Variants in NTM observed in about 807,000 individuals in gnomAD.
The protein encoded by NTM is neurotrimin, also known as IgLON family member 2.
In NTM, 13 loss-of-function variants were observed where a neutral mutation model predicts 42.1. That is an observed-to-expected ratio of 0.31 (90% CI 0.20 to 0.49). The LOEUF (loss-of-function observed/expected upper bound fraction) is 0.49. Among genes scored for constraint, NTM ranks in the 20% least tolerant of loss-of-function variants. NTM has a pLI of 0.99. For missense variants in NTM, 373 were observed against 452.8 expected (o/e 0.82, Z 1.60); for synonymous variants, 187 against 179.2 (o/e 1.04, Z -0.35).
chr11:131,532,421 ACTC>A (rs2051423941), intron 1 of NTM, among the ~76,000 whole-genome samples: 1 of 150,632 alleles, frequency 6.6e-6, no homozygotes, highest in South Asian at 2.1e-4. Context: ...GTGGCTGAAA[ACTC>A]CTCCAGTGTA....
intron 2 of NTM, among the ~76,000 whole-genome samples, chr11:131,931,140 AT>A (rs2134087331): frequency 6.6e-6 from 1 of 152,262 alleles, no homozygotes; most frequent in Non-Finnish European, 1.5e-5. Flanking sequence ...ACCAGATAGG[AT>A]TAGTGTCATA....
intron 3 of NTM, among the ~76,000 whole-genome samples, chr11:132,190,307 G>A (rs2079094056): frequency 6.6e-6 from 1 of 152,222 alleles, no homozygotes; most frequent in African/African-American, 2.4e-5. Context: ...GCATAGCAAG[G>A]AAGGGCACTG....
intron 1 of NTM, among the ~76,000 whole-genome samples, chr11:131,389,477 C>T (rs544530256): frequency 1.3e-5 from 2 of 152,362 alleles, no homozygotes; most frequent in South Asian, 4.1e-4. Context: ...AGCCGCCCTA[C>T]TTCCCGCTGT....
At chr11:132,210,403 C>T (rs1389368791) in intron 3 of NTM, among the ~76,000 whole-genome samples, 1 of 152,122 alleles carries the variant, frequency 6.6e-6, no homozygotes, top group East Asian at 1.9e-4. Context: ...CTTGAATAAC[C>T]ATTATCACTC....
intron 1 of NTM, among the ~76,000 whole-genome samples, chr11:131,906,877 C>T (rs1469762321): frequency 6.6e-6 from 1 of 152,186 alleles, no homozygotes; most frequent in Non-Finnish European, 1.5e-5. Context: ...GAAATCCTAA[C>T]ATGTTGGACT....
intron 2 of NTM, among the ~76,000 whole-genome samples, chr11:132,004,237 T>A (rs549397915): frequency 6.6e-6 from 1 of 152,316 alleles, no homozygotes; most frequent in Admixed American, 6.5e-5. Flanking sequence ...TAGGCTATTC[T>A]CAATAAGAAA....
intron 1 of NTM, among the ~76,000 whole-genome samples, chr11:131,544,442 C>T (rs1053026429): frequency 1.3e-5 from 2 of 152,172 alleles, no homozygotes; most frequent in Non-Finnish European, 2.9e-5. Context: ...TCCCATTCTA[C>T]TACCAAATTA....
intron 1 of NTM, among the ~76,000 whole-genome samples, chr11:131,803,512 G>T (rs2092297242): frequency 6.6e-6 from 1 of 152,170 alleles, no homozygotes; most frequent in South Asian, 2.1e-4. Context: ...GTTTCCCTAT[G>T]TTGGCGAGGC....
chr11:131,814,560 G>A (rs1420702943), intron 1 of NTM, among the ~76,000 whole-genome samples: 4 of 152,100 alleles, frequency 2.6e-5, no homozygotes, highest in Non-Finnish European at 5.9e-5. Context: ...AAAAATAAAA[G>A]AAAGAAAATG....
At chr11:131,783,697 A>G (rs1296872034) in intron 1 of NTM, among the ~76,000 whole-genome samples, 3 of 152,208 alleles carry the variant, frequency 2.0e-5, no homozygotes, top group Admixed American at 1.3e-4. Flanking sequence ...TAGAAAAAAA[A>G]TACGAGAAAA....
chr11:132,020,691 G>A (rs994494815), intron 2 of NTM, among the ~76,000 whole-genome samples: 3 of 151,894 alleles, frequency 2.0e-5, no homozygotes, highest in African/African-American at 7.3e-5. Flanking sequence ...TTTCCTTTTG[G>A]TACTTGAATA....
At chr11:131,466,298 ACTT>A (rs1300694191) in intron 1 of NTM, among the ~76,000 whole-genome samples, 6 of 152,188 alleles carry the variant, frequency 3.9e-5, no homozygotes, top group Non-Finnish European at 5.9e-5. Context: ...AGATTTATTG[ACTT>A]CTTCTTAAGG....
intron 3 of NTM, among the ~76,000 whole-genome samples, chr11:132,160,581 G>C (rs577886774): frequency 6.6e-6 from 1 of 152,302 alleles, no homozygotes; most frequent in African/African-American, 2.4e-5. Flanking sequence ...GAATGCCCTA[G>C]TTACCCCCAA....
chr11:132,053,263 A>G (rs115535472), intron 2 of NTM, among the ~76,000 whole-genome samples: 503 of 152,336 alleles, frequency 3.3e-3, no homozygotes, highest in African/African-American at 0.012. Flanking sequence ...TGGAGATGAG[A>G]TTTGATCCGA....
intron 1 of NTM, among the ~76,000 whole-genome samples, chr11:131,563,794 G>T (rs1328042399): frequency 6.6e-6 from 1 of 152,006 alleles, no homozygotes; most frequent in Non-Finnish European, 1.5e-5. Flanking sequence ...GCAAGGCATT[G>T]GTGGTCATTT....
chr11:132,230,868 T>G (rs1175321392), intron 4 of NTM, among the ~76,000 whole-genome samples: 1 of 152,026 alleles, frequency 6.6e-6, no homozygotes, highest in Non-Finnish European at 1.5e-5. Context: ...ACAAAAAAAT[T>G]TTTTAATCAG....
intron 4 of NTM, among the ~76,000 whole-genome samples, chr11:132,218,773 C>G (rs2084481384): frequency 6.6e-6 from 1 of 152,208 alleles, no homozygotes; most frequent in Non-Finnish European, 1.5e-5. Flanking sequence ...AGGACCAGAA[C>G]TGGGCCTTCA....
At chr11:132,031,563 A>C (rs879608608) in intron 2 of NTM, among the ~76,000 whole-genome samples, 9 of 152,148 alleles carry the variant, frequency 5.9e-5, no homozygotes, top group Non-Finnish European at 1.3e-4. Context: ...GAGGTCTTCA[A>C]GGTTTTTGGG....
At chr11:132,278,005 A>C (rs1452345736) in intron 4 of NTM, among the ~76,000 whole-genome samples, 3 of 152,242 alleles carry the variant, frequency 2.0e-5, no homozygotes. Context: ...ATCATCAAAC[A>C]GTCTTTGAAA....
Sources: allele counts gnomAD v4.1 joint callset (sites outside exome capture counted in the v4.1 genomes callset), GRCh38; gene constraint gnomAD v4.1.1; transcripts MANE v1.5; gene names NCBI Gene and HGNC (gene_info 2026-07-23, HGNC 2026-07-21).